Variants in TMEM196 observed in about 807,000 individuals in gnomAD.
TMEM196 encodes the protein transmembrane protein 196.
In TMEM196, 17 loss-of-function variants were observed where a neutral mutation model predicts 20.0. That is an observed-to-expected ratio of 0.85 (90% confidence interval 0.58 to 1.27). The LOEUF is 1.27. TMEM196 is among the 50% of genes most tolerant of loss of function. The pLI, the probability that TMEM196 is intolerant of heterozygous loss-of-function variation, is 0.00. For synonymous variants in TMEM196, 113 were observed against 88.9 expected (o/e 1.27, Z -1.52); for missense variants, 267 against 223.0 (o/e 1.20, Z -1.26).
At chr7:19,744,918 C>A (rs953934188) in intron 1 of TMEM196, among the ~76,000 whole-genome samples, 1 of 152,010 alleles carries the variant, frequency 6.6e-6, no homozygotes, top group African/African-American at 2.4e-5. Context: ...AACAAAACAG[C>A]AAATCAGTGG....
At chr7:19,753,539 G>C (rs895069609) in intron 1 of TMEM196, among the ~76,000 whole-genome samples, 3 of 152,018 alleles carry the variant, frequency 2.0e-5, no homozygotes, top group African/African-American at 7.2e-5. Flanking sequence ...AATTTTTCAC[G>C]TAATTCCATT....
intron 4 of TMEM196, 64 bp downstream of exon 4, chr7:19,724,216 C>T: frequency 1.4e-6 from 2 of 1,405,866 alleles, no homozygotes; most frequent in Non-Finnish European, 9.8e-7. Flanking sequence ...TCATGGCTTT[C>T]TGGAAGGGGA....
intron 1 of TMEM196, among the ~76,000 whole-genome samples, chr7:19,766,371 C>T (rs527717003): frequency 5.3e-5 from 8 of 152,000 alleles, no homozygotes; most frequent in Admixed American, 2.6e-4. Flanking sequence ...TTGTCCATTT[C>T]GCATGTTGGA....
At chr7:19,722,944 A>C (rs1783861721) in intron 4 of TMEM196, among the ~76,000 whole-genome samples, 1 of 152,166 alleles carries the variant, frequency 6.6e-6, no homozygotes, top group Non-Finnish European at 1.5e-5. Context: ...GCACCATAGT[A>C]AAATTATGTT....
chr7:19,758,069 GT>G (rs1411336475), intron 1 of TMEM196, among the ~76,000 whole-genome samples: 1 of 151,472 alleles, frequency 6.6e-6, no homozygotes, highest in Admixed American at 6.6e-5. Context: ...GATAGCAAAT[GT>G]TAATAGCCTA....
chr7:19,769,157 A>C (rs1054126316), intron 1 of TMEM196, among the ~76,000 whole-genome samples: 2 of 152,140 alleles, frequency 1.3e-5, no homozygotes, highest in Non-Finnish European at 2.9e-5. Context: ...TTGATTGTAG[A>C]CTACATGTAT....
At chr7:19,746,839 A>T (rs1038727585) in intron 1 of TMEM196, among the ~76,000 whole-genome samples, 1 of 152,222 alleles carries the variant, frequency 6.6e-6, no homozygotes, top group African/African-American at 2.4e-5. Flanking sequence ...AAGGGGGCTT[A>T]ATTGCCTTGC....
rs35652330 is a variant in TMEM196 at position 19,756,034 on chromosome 7, T to TAAA, written c.147+16513_147+16515dup. On this transcript the variant is annotated intron_variant, in intron 1 of 4. Transcript: ENST00000405844. ...CTGGACAGCAGAGTGAGACTCTATT[T>TAAA]AAAAAAAAAAAAAAGCATGAAGTTT... Among the ~76,000 whole-genome samples, 612 of 139,626 alleles carry TAAA rather than the reference T, an allele frequency of 4.4e-3. 6 individuals carry two copies. The highest frequency in any genetic ancestry group is 0.015 in the African/African-American group (584 of 38,078). 91.6% of individuals were successfully genotyped at this position (139,626 alleles called of 152,430 possible).
At chr7:19,735,528 T>A (rs909450950) in intron 1 of TMEM196, among the ~76,000 whole-genome samples, 2 of 152,184 alleles carry the variant, frequency 1.3e-5, no homozygotes, top group African/African-American at 4.8e-5. Context: ...TTATTACTAT[T>A]CTTTTCTGTA....
At chr7:19,741,846 A>G (rs549527699) in intron 1 of TMEM196, among the ~76,000 whole-genome samples, 2 of 152,292 alleles carry the variant, frequency 1.3e-5, no homozygotes, top group Admixed American at 6.5e-5. Context: ...TAGTTGATTC[A>G]CTTTCTCTCA....
rs936152812 is a variant in TMEM196 at position 19,773,015 on chromosome 7, A to T, written c.-319T>A. 9.1e-6 allele frequency: 2 copies of T among 220,106 alleles called. No individual in the cohort carries two copies. The highest frequency in any genetic ancestry group is 4.5e-5 in the African/African-American group (2 of 44,148). The allele number at this position is 220,106 out of a possible 1,614,324, so 13.6% of individuals were successfully genotyped here. ...GCGGAAAACCTGGAGGAGCCCAGGG[A>T]GCTCCGAGCCTTGCTCCCCAGGCGC... On this transcript the variant is annotated 5_prime_UTR_variant, in exon 1 of 5. Transcript: ENST00000405844.
At chr7:19,762,576 T>C (rs1276454775) in intron 1 of TMEM196, among the ~76,000 whole-genome samples, 1 of 152,220 alleles carries the variant, frequency 6.6e-6, no homozygotes, top group Non-Finnish European at 1.5e-5. Flanking sequence ...ATTTTGCTTA[T>C]ATTTTATGTT....
At chr7:19,731,719 G>C (rs1248068754) in intron 1 of TMEM196, among the ~76,000 whole-genome samples, 1 of 152,220 alleles carries the variant, frequency 6.6e-6, no homozygotes, top group Non-Finnish European at 1.5e-5. Context: ...CATTTGGTTA[G>C]AACATCTAGG....
At chr7:19,722,237 T>C (rs1783838238) in intron 4 of TMEM196, 103 bp from the exon 5 acceptor site, 7 of 975,156 alleles carry the variant, frequency 7.2e-6, no homozygotes, top group Non-Finnish European at 1.1e-5. Flanking sequence ...TTGAAAAACT[T>C]GCTAAGTTTT....
intron 1 of TMEM196, among the ~76,000 whole-genome samples, chr7:19,751,413 T>A (rs923425323): frequency 6.6e-6 from 1 of 152,200 alleles, no homozygotes; most frequent in Non-Finnish European, 1.5e-5. Flanking sequence ...CAATGGAGTA[T>A]GACACAATGG....
intron 1 of TMEM196, 60 bp downstream of exon 1, chr7:19,772,490 C>T (rs1785923428): frequency 1.4e-6 from 2 of 1,429,694 alleles, no homozygotes; most frequent in Admixed American, 2.7e-5. Context: ...CCCTGACCAT[C>T]ACCGTAAAGA....
At chr7:19,752,225 TG>T (rs1169066970) in intron 1 of TMEM196, among the ~76,000 whole-genome samples, 1 of 152,190 alleles carries the variant, frequency 6.6e-6, no homozygotes, top group Non-Finnish European at 1.5e-5. Context: ...CAGCAGTTAA[TG>T]AAAGAGATCT....
At chr7:19,729,102 C>T (rs1256275077) in intron 2 of TMEM196, among the ~76,000 whole-genome samples, 3 of 152,112 alleles carry the variant, frequency 2.0e-5, no homozygotes, top group Non-Finnish European at 2.9e-5. Context: ...GATTGGAAAA[C>T]TAGAGACTGT....
intron 1 of TMEM196, among the ~76,000 whole-genome samples, chr7:19,751,286 G>A (rs1308953349): frequency 1.3e-5 from 2 of 152,212 alleles, no homozygotes; most frequent in Admixed American, 6.5e-5. Context: ...TAGTGGAACC[G>A]TATTTATGCT....
Sources: allele counts gnomAD v4.1 joint callset (sites outside exome capture counted in the v4.1 genomes callset), GRCh38; gene constraint gnomAD v4.1.1; transcripts MANE v1.5; gene names NCBI Gene and HGNC (gene_info 2026-07-23, HGNC 2026-07-21).